MAP3K20: variants seen among roughly 807,000 people sequenced by gnomAD.
MAP3K20 encodes the protein HCCS-4.
A neutral mutation model predicts 85.7 loss-of-function variants in MAP3K20; 40 were observed. The observed-to-expected ratio is 0.47, with a 90% CI of 0.36 to 0.61. The LOEUF (loss-of-function observed/expected upper bound fraction) is 0.61, where lower values mean the gene tolerates loss of function less well. MAP3K20 is among the 20% of genes least tolerant of loss of function. The pLI is 0.00. For missense variants in MAP3K20, 817 were observed against 961.7 expected, an observed-to-expected ratio of 0.85 and a Z score of 1.99; for synonymous variants, 325 against 327.7, an observed-to-expected ratio of 0.99 and a Z score of 0.09.
At chr2:173,085,600 T>C (rs1276560867) in intron 1 of MAP3K20, among the ~76,000 whole-genome samples, 1 of 152,090 alleles carries the variant, frequency 6.6e-6, no homozygotes, top group Non-Finnish European at 1.5e-5. Context: ...TTTACAGAGT[T>C]GTGATGCCTT....
intron 3 of MAP3K20, among the ~76,000 whole-genome samples, chr2:173,181,852 T>C (rs940096006): frequency 2.5e-4 from 37 of 147,262 alleles, no homozygotes; most frequent in African/African-American, 7.6e-4. Flanking sequence ...AGTTTGAGAT[T>C]ACCCTAAGCA....
At chr2:173,088,797 G>C (rs1195281782) in intron 1 of MAP3K20, among the ~76,000 whole-genome samples, 1 of 152,096 alleles carries the variant, frequency 6.6e-6, no homozygotes, top group Non-Finnish European at 1.5e-5. Flanking sequence ...TACAAATTTT[G>C]TTCTTTTCCA....
intron 10 of MAP3K20, chr2:173,212,229 G>A (rs1683922659): frequency 6.6e-6 from 1 of 151,976 alleles, no homozygotes; most frequent in South Asian, 2.1e-4. Context: ...TTGCCATTCG[G>A]GTACTGGGCT....
intron 11 of MAP3K20, chr2:173,223,589 T>C (rs780607666): frequency 7.4e-5 from 73 of 985,318 alleles, no homozygotes; most frequent in Non-Finnish European, 8.0e-5. Context: ...AAAGAGAACA[T>C]GCTTAGAATG....
chr2:173,266,155 C>T lies in MAP3K20; in HGVS notation c.1808C>T (p.Ser603Leu), dbSNP rs374304112. The T allele has an allele frequency of 2.2e-5, 36 of 1,614,054 alleles. No homozygotes were observed. In the African/African-American group the frequency reaches 4.1e-4, roughly 19 times the overall value. Residue 603 changes from serine to leucine, a missense_variant, in exon 20 of 20, where the codon TCA becomes TTA. Ser to Leu is a moderately radical substitution (Grantham distance 145, BLOSUM62 -2). This residue lies in a region of MAP3K20 where 454 missense variants were observed against 476.9 expected (regional missense o/e 0.95). Coordinates refer to ENST00000375213, the MANE Select transcript of MAP3K20 (RefSeq NM_016653.3). ...SNPILGSPFF[S>L]HFDGQDSYAA... ...CCTATTCTGGGGTCACCGTTCTTCT[C>T]ACACTTTGATGGCCAGGATTCCTAC...
intron 4 of MAP3K20, among the ~76,000 whole-genome samples, chr2:173,184,388 A>G (rs975189054): frequency 1.3e-5 from 2 of 152,230 alleles, no homozygotes; most frequent in Non-Finnish European, 2.9e-5. Context: ...TAGACAGCAA[A>G]CAAAACAGCT....
At chr2:173,109,617 C>T (rs1294288050) in intron 2 of MAP3K20, among the ~76,000 whole-genome samples, 2 of 152,054 alleles carry the variant, frequency 1.3e-5, no homozygotes, top group East Asian at 3.9e-4. Flanking sequence ...ACCTGTTTAT[C>T]TTAGCAGGGT....
At chr2:173,190,477 T>A (rs1690616375) in intron 5 of MAP3K20, among the ~76,000 whole-genome samples, 1 of 152,212 alleles carries the variant, frequency 6.6e-6, no homozygotes, top group Non-Finnish European at 1.5e-5. Flanking sequence ...AACAAGTGAA[T>A]GAATGAATAT....
intron 16 of MAP3K20, among the ~76,000 whole-genome samples, chr2:173,250,324 T>C (rs1033487457): frequency 6.6e-6 from 1 of 152,234 alleles, no homozygotes; most frequent in Non-Finnish European, 1.5e-5. Context: ...AGCCCACTAA[T>C]TGCCTCCCAT....
At chr2:173,166,647 C>T (rs1429597209) in intron 2 of MAP3K20, 1 of 152,058 alleles carries the variant, frequency 6.6e-6, no homozygotes, top group Non-Finnish European at 1.5e-5. Context: ...GATTGTTATC[C>T]AATTATATTT....
chr2:173,263,876 T>A lies in MAP3K20; in HGVS notation c.1683T>A (p.Pro561=). ...TATTCACCAATTCAGATGGCAACCC[T>A]GGAAGCAGGTCCGACTCAAGTAAGT... The part of the protein sequence containing the change: ...QTLFTNSDGN[P]GSRSDSSADC... Residue 561 remains proline (P), a synonymous_variant, in exon 19 of 20, where the codon CCT becomes CCA. Coordinates refer to ENST00000375213, the MANE Select transcript of MAP3K20 (RefSeq NM_016653.3). 6.2e-7 allele frequency: 1 copy of A among 1,611,096 alleles called. No homozygotes were observed. Among genetic ancestry groups the A allele is most frequent in the East Asian group, 2.2e-5 (1 of 44,844 alleles).
At chr2:173,237,357 C>T (rs1364665045) in intron 14 of MAP3K20, among the ~76,000 whole-genome samples, 1 of 152,012 alleles carries the variant, frequency 6.6e-6, no homozygotes, top group Non-Finnish European at 1.5e-5. Flanking sequence ...GTGTTTGTCC[C>T]TCCCTTTAAG....
intron 2 of MAP3K20, among the ~76,000 whole-genome samples, chr2:173,143,675 C>G (rs1052343830): frequency 2.0e-5 from 3 of 151,958 alleles, no homozygotes; most frequent in African/African-American, 7.3e-5. Flanking sequence ...CTGGTCAGTG[C>G]AGTAAGACAA....
intron 1 of MAP3K20, among the ~76,000 whole-genome samples, chr2:173,084,639 CT>C (rs1334420098): frequency 1.3e-5 from 2 of 151,966 alleles, no homozygotes; most frequent in African/African-American, 4.8e-5. Flanking sequence ...AATAATTGCT[CT>C]ACAAAACTAA....
chr2:173,251,244 A>G (rs1233195601), intron 16 of MAP3K20, among the ~76,000 whole-genome samples: 1 of 152,172 alleles, frequency 6.6e-6, no homozygotes, highest in Non-Finnish European at 1.5e-5. Context: ...TCTGTATTTT[A>G]TATTTTAAAT....
intron 1 of MAP3K20, among the ~76,000 whole-genome samples, chr2:173,087,707 A>G (rs1431009295): frequency 1.3e-5 from 2 of 152,222 alleles, no homozygotes; most frequent in Non-Finnish European, 1.5e-5. Flanking sequence ...GAGAAAATGA[A>G]GTAATACTTT....
At chr2:173,226,402 A>G (rs1684389891) in intron 11 of MAP3K20, 11 of 985,464 alleles carry the variant, frequency 1.1e-5, no homozygotes, top group South Asian at 4.7e-5. Context: ...TACCACATAT[A>G]TAACAGAGCA....
rs1413835432 is a variant in MAP3K20, at chr2:173,239,401, T to C, written c.1267-3T>C. ...ATAATTGGTGCTTGGTTTCCTGTTT[T>C]AGGACTCAGGAGGTGAACCTGAAGA... On this transcript the variant is annotated splice_region_variant and splice_polypyrimidine_tract_variant and intron_variant, in intron 15 of 19. Transcript: ENST00000375213. The C allele has an allele frequency of 1.2e-5, 19 of 1,609,096 alleles. No individual in the cohort carries two copies. In the East Asian group the frequency reaches 3.8e-4, roughly 32 times the overall value.
chr2:173,253,993 C>A (rs1685099559), intron 16 of MAP3K20, among the ~76,000 whole-genome samples: 1 of 151,472 alleles, frequency 6.6e-6, no homozygotes, highest in Non-Finnish European at 1.5e-5. Context: ...ATCGCTTGAG[C>A]CCTGGAAATT....
Sources: allele counts gnomAD v4.1 joint callset (sites outside exome capture counted in the v4.1 genomes callset), GRCh38; gene constraint gnomAD v4.1.1; regional missense constraint gnomAD v4.1.1; transcripts MANE v1.5; gene names NCBI Gene and HGNC (gene_info 2026-07-23, HGNC 2026-07-21).